SLIT3: variants seen among roughly 807,000 people sequenced by gnomAD.
The protein encoded by SLIT3 is slit guidance ligand 3.
A neutral mutation model predicts 184.0 loss-of-function variants in SLIT3; 68 were observed. That is an observed-to-expected ratio of 0.37 (90% CI 0.30 to 0.45). The LOEUF is 0.45. Among genes scored for constraint, SLIT3 ranks in the 20% least tolerant of loss-of-function variants. The probability of loss-of-function intolerance (pLI) is 1.00; values close to 1 mark genes in which losing one functional copy is unlikely to be tolerated. For missense variants in SLIT3, 1,707 were observed against 2,026.0 expected (o/e 0.84, Z 3.02); for synonymous variants, 831 against 828.6 (o/e 1.00, Z -0.05).
chr5:168,826,263 A>T (rs1319536650), intron 6 of SLIT3, among the ~76,000 whole-genome samples: 1 of 152,242 alleles, frequency 6.6e-6, no homozygotes, highest in South Asian at 2.1e-4. Context: ...TAAACACAGT[A>T]TTCAGACTTT....
intron 12 of SLIT3, among the ~76,000 whole-genome samples, chr5:168,785,104 T>C (rs781493196): frequency 6.7e-6 from 1 of 150,200 alleles, no homozygotes; most frequent in South Asian, 2.1e-4. Flanking sequence ...CCAGAAGAAC[T>C]GTAATGGTGA....
At chr5:168,803,988 G>C (rs1354938465) in intron 9 of SLIT3, among the ~76,000 whole-genome samples, 3 of 150,992 alleles carry the variant, frequency 2.0e-5, no homozygotes, top group African/African-American at 7.3e-5. Context: ...GAGAAGGGGA[G>C]AAATGCATCA....
intron 1 of SLIT3, among the ~76,000 whole-genome samples, chr5:169,251,703 A>G (rs1765780211): frequency 6.6e-6 from 1 of 152,098 alleles, no homozygotes. Context: ...TTCTTTAGGT[A>G]ACAAATTTTT....
intron 5 of SLIT3, among the ~76,000 whole-genome samples, chr5:168,877,248 G>A (rs1198627810): frequency 6.6e-6 from 1 of 152,196 alleles, no homozygotes; most frequent in Non-Finnish European, 1.5e-5. Context: ...AAGGCAGTGG[G>A]GGACAGTAGG....
rs3038088 is a variant in SLIT3, at chr5:169,192,423, CTGTGTGTGTGTGTG to C, written c.413+1042_413+1055del. On this transcript the variant is annotated intron_variant, in intron 4 of 35. Coordinates refer to ENST00000519560, the MANE Select transcript of SLIT3 (RefSeq NM_003062.4). ...TAAAATAAATTTATGTATATAGTCT[CTGTGTGTGTGTGTG>C]TGTGTGTGTGTGTGTGTGTATAGAC... Among the ~76,000 whole-genome samples the C allele has an allele frequency of 5.4e-5, 8 of 148,172 alleles. No homozygotes were observed. The East Asian group carries it at 7.9e-4, about 15-fold the overall frequency.
chr5:169,289,837 T>C lies in SLIT3; in HGVS notation c.197+10676A>G, dbSNP rs768728384. Among the ~76,000 whole-genome samples the C allele has an allele frequency of 2.6e-5, 4 of 152,250 alleles. No homozygotes were observed. In the South Asian group the frequency reaches 8.3e-4, roughly 32 times the overall value. ...TCATAAAACTCCGATTAGAAGAGGATCATGGACTCCACAGCATGCAGACAT... is the reference window on the plus strand; with the variant it reads ...TCATAAAACTCCGATTAGAAGAGGACCATGGACTCCACAGCATGCAGACAT... On this transcript the variant is annotated intron_variant, in intron 1 of 35. Coordinates refer to ENST00000519560, the MANE Select transcript of SLIT3 (RefSeq NM_003062.4).
At chr5:168,885,709 G>A (rs993388394) in intron 4 of SLIT3, among the ~76,000 whole-genome samples, 1 of 152,194 alleles carries the variant, frequency 6.6e-6, no homozygotes, top group Non-Finnish European at 1.5e-5. Context: ...TCAGAGGCAG[G>A]GGGAGCAAAC....
intron 30 of SLIT3, among the ~76,000 whole-genome samples, 158 bp from the exon 31 acceptor site, chr5:168,686,085 A>C (rs1029710521): frequency 6.6e-6 from 1 of 152,236 alleles, no homozygotes; most frequent in African/African-American, 2.4e-5. Context: ...TAACCGGGGC[A>C]AGACCTTTTC....
chr5:169,056,594 C>T lies in SLIT3; in HGVS notation c.413+136885G>A, dbSNP rs530519995. 3.3e-3 allele frequency among the ~76,000 whole-genome samples: 484 copies of T among 147,440 alleles called. 2 individuals are homozygous for T. Among genetic ancestry groups the T allele is most frequent in the Middle Eastern group, 0.01 (3 of 288 alleles). On this transcript the variant is annotated intron_variant, in intron 4 of 35. Transcript: ENST00000519560. Reference sequence around the variant, plus strand: ...TCCAGACATTCATAGCTGGCGATCTCTTAAAAAAAAAAAAAGATTAAATGA... The same window carrying T: ...TCCAGACATTCATAGCTGGCGATCTTTTAAAAAAAAAAAAAGATTAAATGA...
intron 5 of SLIT3, among the ~76,000 whole-genome samples, chr5:168,874,411 G>A (rs1347278744): frequency 2.0e-5 from 3 of 152,002 alleles, no homozygotes; most frequent in African/African-American, 4.8e-5. Flanking sequence ...TTATTCCTTC[G>A]CTTATTGTTT....
At chr5:169,138,232 C>T (rs1031366045) in intron 4 of SLIT3, among the ~76,000 whole-genome samples, 12 of 152,202 alleles carry the variant, frequency 7.9e-5, no homozygotes, top group African/African-American at 1.4e-4. Context: ...GGAGCTCTCC[C>T]GTAAACGCAT....
At chr5:168,853,810 A>C (rs1027067457) in intron 5 of SLIT3, among the ~76,000 whole-genome samples, 2 of 152,162 alleles carry the variant, frequency 1.3e-5, no homozygotes, top group Non-Finnish European at 2.9e-5. Context: ...TGAATACACC[A>C]AGTACTTTCA....
chr5:169,141,696 G>T (rs185831874), intron 4 of SLIT3, among the ~76,000 whole-genome samples: 1 of 145,716 alleles, frequency 6.9e-6, no homozygotes, highest in African/African-American at 2.6e-5. Flanking sequence ...CCGAGATCGC[G>T]CCATTGCACT....
chr5:168,766,911 A>G (rs1238978508), intron 14 of SLIT3, among the ~76,000 whole-genome samples: 1 of 152,238 alleles, frequency 6.6e-6, no homozygotes, highest in Non-Finnish European at 1.5e-5. Flanking sequence ...AGCAAATTTC[A>G]AGTCCCTATC....
rs150528782 is a variant in SLIT3, at chr5:168,735,661, TACACACACACACACACACACAC to T, written c.2271-11199_2271-11178del. On this transcript the variant is annotated intron_variant, in intron 20 of 35. Coordinates refer to ENST00000519560, the MANE Select transcript of SLIT3 (RefSeq NM_003062.4). ...ATACACATACATATAGACAGATAGA[TACACACACACACACACACACAC>T]ACACACACACACACACACACACATC... Among the ~76,000 whole-genome samples, 628 of 142,168 alleles carry T rather than the reference TACACACACACACACACACACAC, an allele frequency of 4.4e-3. 10 individuals carry two copies. In the East Asian group the frequency reaches 0.058, roughly 13 times the overall value. 93.3% of individuals were successfully genotyped at this position (142,168 alleles called of 152,430 possible). A position where few individuals can be genotyped will look rare whatever the true frequency, so the allele number is the denominator to read the frequency against.
chr5:169,054,824 C>G (rs1196104709), intron 4 of SLIT3, among the ~76,000 whole-genome samples: 2 of 152,166 alleles, frequency 1.3e-5, no homozygotes, highest in Non-Finnish European at 2.9e-5. Context: ...CAAGGTACAG[C>G]TCAAGGTCTA....
At chr5:169,077,844 TAAAA>T (rs57058518) in intron 4 of SLIT3, among the ~76,000 whole-genome samples, 11 of 115,862 alleles carry the variant, frequency 9.5e-5, no homozygotes, top group Admixed American at 5.3e-4. Flanking sequence ...CTTCAATTAC[TAAAA>T]AAAAAAAAAA....
At chr5:169,009,939 T>G (rs1756082249) in intron 4 of SLIT3, among the ~76,000 whole-genome samples, 2 of 152,230 alleles carry the variant, frequency 1.3e-5, no homozygotes. Flanking sequence ...CAATCAGCCT[T>G]GCCTTCACTG....
intron 4 of SLIT3, among the ~76,000 whole-genome samples, chr5:168,943,580 G>A (rs936565240): frequency 2.0e-5 from 3 of 152,196 alleles, no homozygotes; most frequent in Non-Finnish European, 4.4e-5. Flanking sequence ...TGTAAAATCA[G>A]TATAATAATG....
Sources: gnomAD v4.1 joint callset for allele counts (sites outside exome capture counted in the v4.1 genomes callset) on GRCh38, gnomAD v4.1.1 for gene constraint, MANE v1.5 for transcripts, NCBI Gene and HGNC (gene_info 2026-07-23, HGNC 2026-07-21) for gene names.